The following TBX15 variants were observed in gnomAD, a reference collection of about 807,000 sequenced individuals.
TBX15 encodes the protein T-box transcription factor TBX15.
A neutral mutation model predicts 53.9 loss-of-function variants in TBX15; 18 were observed. That is an observed-to-expected ratio of 0.33 (90% CI 0.23 to 0.49). The LOEUF (loss-of-function observed/expected upper bound fraction) is 0.49, where lower values mean the gene tolerates loss of function less well. TBX15 is among the 20% of genes least tolerant of loss of function. TBX15 has a pLI of 0.98. For missense variants in TBX15, 692 were observed against 749.5 expected, an observed-to-expected ratio of 0.92 and a Z score of 0.90; for synonymous variants, 295 against 278.0, an observed-to-expected ratio of 1.06 and a Z score of -0.61.
intron 1 of TBX15, among the ~76,000 whole-genome samples, chr1:118,983,791 G>A (rs1306880168): frequency 2.6e-5 from 4 of 152,094 alleles, no homozygotes; most frequent in Non-Finnish European, 5.9e-5. Flanking sequence ...CACTCTACGC[G>A]TTCGCCGAAC....
At chr1:118,893,400 AGAAAGAAAGGAAGAAG>A (rs1654249167) in intron 7 of TBX15, among the ~76,000 whole-genome samples, 1 of 136,386 alleles carries the variant, frequency 7.3e-6, no homozygotes, top group African/African-American at 3.1e-5. Context: ...AAAGAAAGAA[AGAAAGAAAGGAAGAAG>A]GAAAGAAAGA....
At chr1:118,967,945 C>T (rs757885334) in intron 1 of TBX15, among the ~76,000 whole-genome samples, 4 of 152,156 alleles carry the variant, frequency 2.6e-5, no homozygotes, top group Non-Finnish European at 5.9e-5. Context: ...ACTCCTCTCA[C>T]GTTATTTCAA....
rs1655110480 is a variant in TBX15, at chr1:118,914,062, G to A, written c.926+53C>T. The A allele has an allele frequency of 1.9e-6, 3 of 1,580,112 alleles. 1 individual carries two copies. The highest frequency in any genetic ancestry group is 2.6e-6 in the Non-Finnish European group (3 of 1,150,070). On this transcript the variant is annotated intron_variant, in intron 6 of 7. Coordinates refer to ENST00000369429, the MANE Select transcript of TBX15 (RefSeq NM_001330677.2). ...GAGCCATCAACCATCAGCAGGATGT[G>A]AGGGAAGTAATGTCACATAGAAAAG...
At chr1:118,910,834 C>A (rs1371911039) in intron 6 of TBX15, among the ~76,000 whole-genome samples, 1 of 152,144 alleles carries the variant, frequency 6.6e-6, no homozygotes, top group Non-Finnish European at 1.5e-5. Flanking sequence ...TAGGGAAGGT[C>A]AGGCTGGCTT....
At chr1:118,970,418 A>T (rs527404353) in intron 1 of TBX15, among the ~76,000 whole-genome samples, 2 of 152,266 alleles carry the variant, frequency 1.3e-5, no homozygotes, top group Admixed American at 1.3e-4. Context: ...AATCAAGGAG[A>T]CCTTTATCTT....
chr1:118,939,657 T>C (rs528204980), intron 1 of TBX15, among the ~76,000 whole-genome samples: 1 of 149,792 alleles, frequency 6.7e-6, no homozygotes, highest in Non-Finnish European at 1.5e-5. Flanking sequence ...TATTCCCATG[T>C]AACAAACCTG....
intron 1 of TBX15, among the ~76,000 whole-genome samples, chr1:118,978,463 C>T (rs1192087460): frequency 6.6e-6 from 1 of 152,160 alleles, no homozygotes; most frequent in Admixed American, 6.5e-5. Flanking sequence ...CCTCACTTCA[C>T]AAATGAGGCA....
chr1:118,943,876 A>G (rs982411499), intron 1 of TBX15, among the ~76,000 whole-genome samples: 1 of 152,164 alleles, frequency 6.6e-6, no homozygotes, highest in African/African-American at 2.4e-5. Context: ...TTTGAGACTT[A>G]TACAAGGGAA....
At chr1:118,946,737 T>C (rs1373149110) in intron 1 of TBX15, among the ~76,000 whole-genome samples, 1 of 152,186 alleles carries the variant, frequency 6.6e-6, no homozygotes, top group East Asian at 1.9e-4. Flanking sequence ...CTATTTTCCA[T>C]TGATCTTTAT....
At chr1:118,957,533 C>A (rs745518143) in intron 1 of TBX15, among the ~76,000 whole-genome samples, 5 of 152,178 alleles carry the variant, frequency 3.3e-5, no homozygotes, top group Non-Finnish European at 7.3e-5. Context: ...AGGTTAGTTA[C>A]ATATGTATAC....
rs1469070256 is a variant in TBX15 at position 118,883,596 on chromosome 1, C to T, written c.*1136G>A. ...TGCCTCTGCTCTTGGTATCATCTTC[C>T]GAGATTATAAAACTATTCCTTCTTC... On this transcript the variant is annotated 3_prime_UTR_variant, in exon 8 of 8. Transcript: ENST00000369429. 2 of 152,086 alleles carry T rather than the reference C, an allele frequency of 1.3e-5. No homozygotes were observed. Among genetic ancestry groups the T allele is most frequent in the East Asian group, 1.9e-4 (1 of 5,190 alleles). 9.4% of individuals were successfully genotyped at this position (152,086 alleles called of 1,614,324 possible).
chr1:118,970,738 C>G (rs998536359), intron 1 of TBX15, among the ~76,000 whole-genome samples: 1 of 152,078 alleles, frequency 6.6e-6, no homozygotes, highest in African/African-American at 2.4e-5. Context: ...ACAGAGCTGC[C>G]TCATATTTCT....
At chr1:118,979,327 C>T (rs951976936) in intron 1 of TBX15, among the ~76,000 whole-genome samples, 30 of 151,882 alleles carry the variant, frequency 2.0e-4, no homozygotes, top group Non-Finnish European at 3.4e-4. Context: ...GTCAGCGTCC[C>T]TGCCTCTTAG....
At chr1:118,963,997 G>A (rs1233222918) in intron 1 of TBX15, among the ~76,000 whole-genome samples, 1 of 152,146 alleles carries the variant, frequency 6.6e-6, no homozygotes, top group Non-Finnish European at 1.5e-5. Context: ...GGAGACTACA[G>A]ACATACATCC....
chr1:118,909,859 G>A (rs1654972523), intron 6 of TBX15, among the ~76,000 whole-genome samples: 1 of 152,288 alleles, frequency 6.6e-6, no homozygotes, highest in Admixed American at 6.5e-5. Context: ...GGGATTACAG[G>A]CATGAGCCAC....
At chr1:118,931,553 A>G (rs1655779864) in intron 2 of TBX15, 66 bp downstream of exon 2, 1 of 1,546,856 alleles carries the variant, frequency 6.5e-7, no homozygotes. Context: ...TAAGAATGGA[A>G]GAATGTAATG....
rs1172540866 is a variant in TBX15, at chr1:118,884,910, CAG to C, written c.1629_1630del (p.Cys544PhefsTer26). The C allele has an allele frequency of 6.2e-7, 1 of 1,614,088 alleles. No individual in the cohort carries two copies. Among genetic ancestry groups the C allele is most frequent in the Non-Finnish European group, 8.5e-7 (1 of 1,180,038 alleles). On this transcript the variant is annotated frameshift_variant, in exon 8 of 8. Coordinates refer to ENST00000369429, the MANE Select transcript of TBX15 (RefSeq NM_001330677.2). LOFTEE classifies it high-confidence loss of function. Reference sequence around the variant, plus strand: ...AAAGGCCCCGTTGGAAGGAGAAGAACAGAGTAAAGTGCTTTGAGAGGCGCTCA... The same window carrying C: ...AAAGGCCCCGTTGGAAGGAGAAGAACAGTAAAGTGCTTTGAGAGGCGCTCA...
At chr1:118,973,968 G>A (rs926969832) in intron 1 of TBX15, among the ~76,000 whole-genome samples, 7 of 152,330 alleles carry the variant, frequency 4.6e-5, no homozygotes, top group Admixed American at 2.0e-4. Context: ...TACCAGATGG[G>A]ATCTAATGTT....
At chr1:118,917,801 G>T (rs1288060534) in intron 5 of TBX15, among the ~76,000 whole-genome samples, 1 of 152,134 alleles carries the variant, frequency 6.6e-6, no homozygotes, top group African/African-American at 2.4e-5. Context: ...ACTGGACCAT[G>T]TCATTCTCTT....
Sources: gnomAD v4.1 joint callset for allele counts (sites outside exome capture counted in the v4.1 genomes callset) on GRCh38, gnomAD v4.1.1 for gene constraint, MANE v1.5 for transcripts, NCBI Gene and HGNC (gene_info 2026-07-23, HGNC 2026-07-21) for gene names.